The following SUMF1 variants were observed in gnomAD, a reference collection of about 807,000 sequenced individuals.
The protein encoded by SUMF1 is sulfatase modifying factor 1.
SUMF1 carries 48 observed loss-of-function variants against 47.6 expected under a neutral mutation model. The observed-to-expected ratio is 1.01, with a 90% CI of 0.80 to 1.28. The LOEUF (loss-of-function observed/expected upper bound fraction) is 1.28. Ranked by LOEUF, SUMF1 falls within the 50% of genes most tolerant of loss-of-function variation. The pLI is 0.00. For synonymous variants in SUMF1, 230 were observed against 192.1 expected, an observed-to-expected ratio of 1.20 and a Z score of -1.63; for missense variants, 571 against 485.4, an observed-to-expected ratio of 1.18 and a Z score of -1.66.
At chr3:4,052,258 A>C (rs1695125549) in intron 9 of SUMF1, among the ~76,000 whole-genome samples, 1 of 152,104 alleles carries the variant, frequency 6.6e-6, no homozygotes, top group South Asian at 2.1e-4. Flanking sequence ...CACTAATCCC[A>C]TTCATAAGGG....
At chr3:4,381,325 G>T (rs1700497665) in intron 7 of SUMF1, among the ~76,000 whole-genome samples, 1 of 152,126 alleles carries the variant, frequency 6.6e-6, no homozygotes. Flanking sequence ...AATGGACTTT[G>T]GGGACTCGGG....
At chr3:4,271,483 ATAG>A (rs1697301898) in intron 8 of SUMF1, among the ~76,000 whole-genome samples, 2 of 148,504 alleles carry the variant, frequency 1.3e-5, no homozygotes, top group Non-Finnish European at 3.0e-5. Flanking sequence ...AGATAGATAG[ATAG>A]ATAGATAGAT....
intron 8 of SUMF1, chr3:4,313,265 T>C (rs757294648): frequency 1.2e-6 from 2 of 1,613,968 alleles, no homozygotes; most frequent in South Asian, 1.1e-5. Context: ...GTTTTAGGAT[T>C]CTCTGAAGTT....
chr3:4,067,443 G>C (rs1054239677), intron 9 of SUMF1, among the ~76,000 whole-genome samples: 1 of 152,192 alleles, frequency 6.6e-6, no homozygotes, highest in Non-Finnish European at 1.5e-5. Flanking sequence ...TTAAGTAGCT[G>C]CTTCTAGATG....
downstream of SUMF1, among the ~76,000 whole-genome samples, chr3:4,357,597 A>ATTTG (rs1699648885): frequency 6.7e-6 from 1 of 149,404 alleles, no homozygotes; most frequent in Admixed American, 6.7e-5. Context: ...TTATTTATTT[A>ATTTG]TTTATTTATT....
chr3:4,376,217 G>T, intron 8 of SUMF1, 113 bp downstream of exon 8: 3 of 1,290,078 alleles, frequency 2.3e-6, no homozygotes, highest in Non-Finnish European at 3.4e-6. Context: ...TTTCAGTGGG[G>T]TTAGGTAGGC....
At chr3:4,229,577 C>A (rs1696252054) in intron 8 of SUMF1, among the ~76,000 whole-genome samples, 1 of 152,106 alleles carries the variant, frequency 6.6e-6, no homozygotes, top group Admixed American at 6.6e-5. Flanking sequence ...TGGCATTTAG[C>A]ATAATGCCTG....
intron 8 of SUMF1, among the ~76,000 whole-genome samples, chr3:4,370,960 A>G (rs1371318525): frequency 6.6e-6 from 1 of 152,198 alleles, no homozygotes; most frequent in Non-Finnish European, 1.5e-5. Flanking sequence ...ATTAAACCCT[A>G]AAAAGCAAGA....
At position 4,239,403 on chromosome 3, in the gene SUMF1, T is replaced by C. The variant is rs1696486563; in HGVS notation, c.1014+136927A>G. On this transcript the variant is annotated intron_variant and NMD_transcript_variant, in intron 8 of 12. Transcript: ENST00000448413. ...TCATGATATTGATTACTCCTATCCA[T>C]AAGCATGGAATGTTTTCCCATTTGT... 1.3e-5 allele frequency among the ~76,000 whole-genome samples: 2 copies of C among 152,224 alleles called. 1 individual carries two copies. The highest frequency in any genetic ancestry group is 4.8e-5 in the African/African-American group (2 of 41,460).
chr3:4,420,365 C>G (rs1161827755), intron 3 of SUMF1, among the ~76,000 whole-genome samples: 1 of 151,246 alleles, frequency 6.6e-6, no homozygotes, highest in African/African-American at 2.4e-5. Flanking sequence ...CAAACAAATA[C>G]ATATGTATTT....
At chr3:4,259,705 C>T (rs950249892) in intron 8 of SUMF1, among the ~76,000 whole-genome samples, 7 of 152,122 alleles carry the variant, frequency 4.6e-5, no homozygotes, top group Admixed American at 3.9e-4. Flanking sequence ...TTGCCTAGAG[C>T]TCAGTAGTGA....
At chr3:4,197,470 AG>A (rs1695453921) in intron 8 of SUMF1, among the ~76,000 whole-genome samples, 1 of 152,112 alleles carries the variant, frequency 6.6e-6, no homozygotes, top group Non-Finnish European at 1.5e-5. Context: ...TAGAGATGAG[AG>A]GGCATGACAG....
chr3:4,272,038 TTGGTAGATAC>T (rs1280087262), intron 8 of SUMF1, among the ~76,000 whole-genome samples: 2 of 152,176 alleles, frequency 1.3e-5, no homozygotes, highest in African/African-American at 2.4e-5. Flanking sequence ...CTGCCCTCTC[TTGGTAGATAC>T]TGAGATAACA....
At chr3:4,271,484 T>C (rs962916599) in intron 8 of SUMF1, among the ~76,000 whole-genome samples, 5 of 150,978 alleles carry the variant, frequency 3.3e-5, no homozygotes, top group African/African-American at 7.3e-5. Context: ...GATAGATAGA[T>C]AGATAGATAG....
At chr3:4,387,463 G>C (rs1231464868) in intron 7 of SUMF1, among the ~76,000 whole-genome samples, 1 of 151,848 alleles carries the variant, frequency 6.6e-6, no homozygotes, top group African/African-American at 2.4e-5. Context: ...TCTCATATTA[G>C]TAATCTGGGT....
intron 8 of SUMF1, among the ~76,000 whole-genome samples, chr3:4,274,392 C>T (rs559254652): frequency 7.2e-5 from 11 of 152,184 alleles, no homozygotes; most frequent in African/African-American, 1.9e-4. Flanking sequence ...ATACTATATT[C>T]GGCACTGTAC....
At chr3:4,238,651 T>C (rs1193990855) in intron 8 of SUMF1, among the ~76,000 whole-genome samples, 1 of 152,198 alleles carries the variant, frequency 6.6e-6, no homozygotes, top group Non-Finnish European at 1.5e-5. Context: ...TTTGTTTAAG[T>C]CATTTGTAGA....
At chr3:4,288,398 T>C (rs1340562049) in intron 8 of SUMF1, among the ~76,000 whole-genome samples, 1 of 152,148 alleles carries the variant, frequency 6.6e-6, no homozygotes, top group Non-Finnish European at 1.5e-5. Flanking sequence ...AGCTTTTGGA[T>C]AGATGTAAAA....
At chr3:4,095,504 C>G (rs1335587771) in intron 8 of SUMF1, among the ~76,000 whole-genome samples, 1 of 152,030 alleles carries the variant, frequency 6.6e-6, no homozygotes, top group Non-Finnish European at 1.5e-5. Context: ...CAGAAAACAT[C>G]AAATGACTTG....
Sources: gnomAD v4.1 joint callset for allele counts (sites outside exome capture counted in the v4.1 genomes callset) on GRCh38, gnomAD v4.1.1 for gene constraint, MANE v1.5 for transcripts, NCBI Gene and HGNC (gene_info 2026-07-23, HGNC 2026-07-21) for gene names.